The following RYR2 variants were observed in gnomAD, a reference collection of about 807,000 sequenced individuals.
RYR2 encodes ryanodine receptor 2, also known as cardiac muscle ryanodine receptor-calcium release channel.
RYR2 carries 227 observed loss-of-function variants against 601.1 expected under a neutral mutation model. The observed-to-expected ratio is 0.38, with a 90% CI of 0.34 to 0.42. The LOEUF (loss-of-function observed/expected upper bound fraction) is 0.42. Among genes scored for constraint, RYR2 ranks in the 10% least tolerant of loss-of-function variants. RYR2 has a pLI of 1.00. For missense variants in RYR2, 4,646 were observed against 6,156.5 expected, an observed-to-expected ratio of 0.75 and a Z score of 8.21; for synonymous variants, 2,223 against 2,175.1, an observed-to-expected ratio of 1.02 and a Z score of -0.61.
At chr1:237,804,254 A>G (rs1451370163) in intron 98 of RYR2, among the ~76,000 whole-genome samples, 1 of 145,074 alleles carries the variant, frequency 6.9e-6, no homozygotes, top group African/African-American at 2.5e-5. Context: ...GTCTTGCAAA[A>G]CAGGAACCCA....
At chr1:237,515,776 TC>T (rs1666421689) in intron 24 of RYR2, among the ~76,000 whole-genome samples, 3 of 59,264 alleles carry the variant, frequency 5.1e-5, no homozygotes, top group Admixed American at 1.8e-4. Flanking sequence ...CTTCCTCTTC[TC>T]CTTCCCCTAC....
At chr1:237,652,247 A>G (rs944801381) in intron 51 of RYR2, among the ~76,000 whole-genome samples, 1 of 152,240 alleles carries the variant, frequency 6.6e-6, no homozygotes, top group Non-Finnish European at 1.5e-5. Context: ...ATGCAATTAT[A>G]GTTTGTCACA....
intron 3 of RYR2, among the ~76,000 whole-genome samples, chr1:237,340,171 C>A (rs1572655175): frequency 6.6e-6 from 1 of 152,134 alleles, no homozygotes; most frequent in African/African-American, 2.4e-5. Flanking sequence ...AAACTAGGAC[C>A]AACAAGTAAA....
chr1:237,408,208 A>G (rs867957256), intron 10 of RYR2, among the ~76,000 whole-genome samples: 1 of 151,862 alleles, frequency 6.6e-6, no homozygotes, highest in African/African-American at 2.4e-5. Flanking sequence ...ATTTAGGCCT[A>G]TGGTTCATTT....
intron 1 of RYR2, among the ~76,000 whole-genome samples, chr1:237,095,018 G>A (rs1257420779): frequency 6.6e-6 from 1 of 152,178 alleles, no homozygotes; most frequent in Non-Finnish European, 1.5e-5. Flanking sequence ...CTTTATAGAT[G>A]GGACTGAACT....
rs747407654 is a variant in RYR2 at position 237,388,080 on chromosome 1, C to T, written c.677-7C>T. On this transcript the variant is annotated splice_region_variant and splice_polypyrimidine_tract_variant and intron_variant, in intron 9 of 104. Coordinates refer to ENST00000366574, the MANE Select transcript of RYR2 (RefSeq NM_001035.3). ...GTCCAGACCTGAATGATTTTTTATCCTTACAGGGTATCTCATTGGTGGTGA... is the reference window on the plus strand; with the variant it reads ...GTCCAGACCTGAATGATTTTTTATCTTTACAGGGTATCTCATTGGTGGTGA... 1 of 1,612,568 alleles carries T rather than the reference C, an allele frequency of 6.2e-7. No homozygotes were observed. The highest frequency in any genetic ancestry group is 1.3e-5 in the African/African-American group (1 of 74,916).
At chr1:237,114,060 T>C (rs960770227) in intron 1 of RYR2, among the ~76,000 whole-genome samples, 2 of 152,190 alleles carry the variant, frequency 1.3e-5, no homozygotes, top group African/African-American at 4.8e-5. Flanking sequence ...TGCAGAGACT[T>C]TCATTTCGTG....
At chr1:237,158,019 A>G (rs1022928439) in intron 1 of RYR2, among the ~76,000 whole-genome samples, 1 of 152,218 alleles carries the variant, frequency 6.6e-6, no homozygotes, top group Non-Finnish European at 1.5e-5. Context: ...TACAACTATT[A>G]TGTATCCATA....
intron 48 of RYR2, among the ~76,000 whole-genome samples, chr1:237,646,880 G>A (rs1041014211): frequency 2.8e-4 from 43 of 152,164 alleles, no homozygotes; most frequent in African/African-American, 1.0e-3. Context: ...TGTGTTTGAG[G>A]AGATGGTGCA....
chr1:237,256,772 A>G (rs1688025852), intron 1 of RYR2, among the ~76,000 whole-genome samples: 1 of 152,220 alleles, frequency 6.6e-6, no homozygotes, highest in South Asian at 2.1e-4. Context: ...CATCTCTAAA[A>G]TGCAAAGTGA....
chr1:237,608,215 C>T (rs1349455556), intron 35 of RYR2, among the ~76,000 whole-genome samples: 1 of 152,096 alleles, frequency 6.6e-6, no homozygotes, highest in Non-Finnish European at 1.5e-5. Context: ...AGGCTGAGGG[C>T]AGAACTCTCA....
chr1:237,593,761 A>G (rs1464291723), intron 33 of RYR2, 125 bp downstream of exon 33: 1 of 965,122 alleles, frequency 1.0e-6, no homozygotes, highest in Non-Finnish European at 1.5e-6. Context: ...TAATCAAGCC[A>G]TTAATGTCAA....
chr1:237,623,405 T>G (rs1260408982), intron 38 of RYR2, among the ~76,000 whole-genome samples: 9 of 142,804 alleles, frequency 6.3e-5, no homozygotes, highest in Admixed American at 2.1e-4. Flanking sequence ...TTTTTTTTTT[T>G]TTTGAGACAA....
intron 1 of RYR2, among the ~76,000 whole-genome samples, chr1:237,150,688 C>A (rs1674614449): frequency 6.6e-6 from 1 of 152,104 alleles, no homozygotes. Flanking sequence ...GGTGCCTTTT[C>A]CAGGTTTTTA....
chr1:237,630,115 T>A (rs1392366622), intron 41 of RYR2, among the ~76,000 whole-genome samples: 1 of 152,124 alleles, frequency 6.6e-6, no homozygotes. Context: ...ACAACAGTAA[T>A]ATGTGCCATT....
At chr1:237,821,229 G>C (rs1662462142) in intron 101 of RYR2, among the ~76,000 whole-genome samples, 1 of 152,102 alleles carries the variant, frequency 6.6e-6, no homozygotes. Context: ...TATCCTGACT[G>C]GGAGATACCT....
In RYR2 at chr1:237,213,903, T is replaced by C. The variant is rs772037466; in HGVS notation, c.49-56594T>C. ...TTGTCCCAACCCATTTATTATCTTT[T>C]TTTTTCTTTTTCTTTTTTTTTTTTT... On this transcript the variant is annotated intron_variant, in intron 1 of 104. Transcript: ENST00000366574. Among the ~76,000 whole-genome samples the C allele has an allele frequency of 4.0e-4, 59 of 149,366 alleles. 1 individual carries two copies. Among genetic ancestry groups the C allele is most frequent in the Non-Finnish European group, 7.6e-4 (51 of 67,534 alleles).
At chr1:237,265,406 C>A (rs1018607974) in intron 1 of RYR2, among the ~76,000 whole-genome samples, 1 of 152,080 alleles carries the variant, frequency 6.6e-6, no homozygotes, top group Non-Finnish European at 1.5e-5. Flanking sequence ...ACTGCAACCT[C>A]TGCCTCCCGG....
At chr1:237,118,200 G>C (rs2490386) in intron 1 of RYR2, among the ~76,000 whole-genome samples, 60,737 of 152,096 alleles carry the variant, frequency 0.4, 14,044 homozygotes, top group Admixed American at 0.57. Flanking sequence ...AATTTATTAC[G>C]TCTTTGAGAA....
Sources: gnomAD v4.1 joint callset for allele counts (sites outside exome capture counted in the v4.1 genomes callset) on GRCh38, gnomAD v4.1.1 for gene constraint, MANE v1.5 for transcripts, NCBI Gene and HGNC (gene_info 2026-07-23, HGNC 2026-07-21) for gene names.